Variants in TAOK2 observed in about 807,000 individuals in gnomAD.
TAOK2 encodes the protein serine/threonine-protein kinase TAO2.
Under a neutral mutation model 122.5 loss-of-function variants are expected in TAOK2, and 42 were observed. The observed-to-expected ratio is 0.34, with a 90% CI of 0.27 to 0.44. The LOEUF (loss-of-function observed/expected upper bound fraction) is 0.44, where lower values mean the gene tolerates loss of function less well. Among genes scored for constraint, TAOK2 ranks in the 20% least tolerant of loss-of-function variants. The pLI is 1.00. For synonymous variants in TAOK2, 704 were observed against 677.6 expected (o/e 1.04, Z -0.61); for missense variants, 1,264 against 1,644.9 (o/e 0.77, Z 4.01).
chr16:29,977,886 CT>C lies in TAOK2; in HGVS notation c.117del (p.Phe39LeufsTer58). The C allele has an allele frequency of 6.2e-7, 1 of 1,614,142 alleles. No individual in the cohort carries two copies. Among genetic ancestry groups the C allele is most frequent in the Non-Finnish European group, 8.5e-7 (1 of 1,180,002 alleles). On this transcript the variant is annotated frameshift_variant, in exon 2 of 16. Transcript: ENST00000308893. LOFTEE classifies it high-confidence loss of function. ...ACCTCCGGGAAATTGGCCATGGCAG[CT>C]TTGGAGCCGTATACTTTGTGAGTTG... ...SDLREIGHGS[F>X]GAVYFARDVR...
intron 8 of TAOK2, 90 bp from the exon 9 acceptor site, chr16:29,981,571 G>A: frequency 8.6e-7 from 1 of 1,157,016 alleles, no homozygotes; most frequent in Non-Finnish European, 1.3e-6. Context: ...TCAAGGAATT[G>A]GGGTTTGAAC....
downstream of TAOK2, chr16:29,989,854 A>G: frequency 6.3e-7 from 1 of 1,586,802 alleles, no homozygotes; most frequent in Non-Finnish European, 8.6e-7. Flanking sequence ...CAGGCTCTGT[A>G]CTTTGCTTTA....
Position 29,988,238 on chromosome 16 carries a change from A to C in TAOK2, c.*258A>C. 1.4e-6 allele frequency: 2 copies of C among 1,442,700 alleles called. No homozygotes were observed. Among genetic ancestry groups the C allele is most frequent in the East Asian group, 2.6e-5 (1 of 38,536 alleles). The allele number at this position is 1,442,700 out of a possible 1,614,324, so 89.4% of individuals were successfully genotyped here. The stretch of plus-strand genomic sequence containing the variant: ...GCTGTGTGTGCTCATCCTCACCCTC[A>C]TTGACTCAGGCCTGGGGCCAGGGGT... On this transcript the variant is annotated 3_prime_UTR_variant, in exon 16 of 16. Coordinates refer to ENST00000308893, the MANE Select transcript of TAOK2 (RefSeq NM_016151.4).
intron 8 of TAOK2, chr16:29,981,330 A>T (rs988318079): frequency 7.1e-6 from 4 of 564,930 alleles, no homozygotes; most frequent in Non-Finnish European, 1.3e-5. Flanking sequence ...TATCTTCCCC[A>T]TAGCAATTAT....
intron 1 of TAOK2, among the ~76,000 whole-genome samples, chr16:29,976,385 A>T: frequency 6.6e-6 from 1 of 152,196 alleles, no homozygotes; most frequent in Non-Finnish European, 1.5e-5. Context: ...CTGGAGAGTC[A>T]GGCTCCCTCC....
chr16:29,987,457 C>T lies in TAOK2; in HGVS notation c.3185C>T (p.Ala1062Val), dbSNP rs2069842445. The change falls in exon 16 of 16, where the codon GCT becomes GTT. Residue 1062 changes from alanine (A) to valine (V), a missense_variant. Around this residue, in one of 4 missense-constraint regions of TAOK2, gnomAD observed 824 missense variants for 908.7 expected, o/e 0.91. Coordinates refer to ENST00000308893, the MANE Select transcript of TAOK2 (RefSeq NM_016151.4). The stretch of plus-strand genomic sequence containing the variant: ...CCAGGCCTAGCTCTACCTCTGGTGG[C>T]TATGGCAGCGGGGGGCAGATGGGTG... ...AWPGLALPLV[A>V]MAAGGRWVRQ... The T allele has an allele frequency of 1.9e-6, 3 of 1,595,386 alleles. No homozygotes were observed. Among genetic ancestry groups the T allele is most frequent in the Admixed American group, 3.5e-5 (2 of 57,864 alleles).
intron 8 of TAOK2, chr16:29,980,485 C>G (rs1190592634): frequency 6.6e-6 from 1 of 152,300 alleles, no homozygotes; most frequent in African/African-American, 2.4e-5. Context: ...CATCCTTCCT[C>G]CCACCAACCT....
chr16:29,975,777 G>A (rs2069436479), intron 1 of TAOK2, among the ~76,000 whole-genome samples: 1 of 152,208 alleles, frequency 6.6e-6, no homozygotes, highest in Non-Finnish European at 1.5e-5. Flanking sequence ...GACCTTGGAG[G>A]CAGGGAAGGA....
rs1287001693 is a variant in TAOK2 at position 29,987,309 on chromosome 16, C to T, written c.3037C>T (p.Pro1013Ser). Residue 1013 changes from proline (P) to serine (S), a missense_variant, in exon 16 of 16, where the codon CCC (proline) becomes TCC (serine). By Grantham distance (74) the Pro-to-Ser change is moderately conservative. Transcript: ENST00000308893. ...GCTCCTTTGTACAGCCCTGCACCTG[C>T]CCTCCAGTCTTTTCCTACTCCTGGC... Reference protein sequence around the residue: ...YLLLCTALHLPSSLFLLLAQG... With the variant: ...YLLLCTALHLSSSLFLLLAQG... 2 of 1,526,034 alleles carry T rather than the reference C, an allele frequency of 1.3e-6. No homozygotes were observed. Among genetic ancestry groups the T allele is most frequent in the Non-Finnish European group, 8.8e-7 (1 of 1,139,358 alleles). The allele number at this position is 1,526,034 out of a possible 1,614,324, so 94.5% of individuals were successfully genotyped here. A position where few individuals can be genotyped will look rare whatever the true frequency, so the allele number is the denominator to read the frequency against.
Position 29,978,267 on chromosome 16 carries a change from A to G in TAOK2, c.220A>G (p.Ile74Val). The change falls in exon 4 of 16, where the codon ATC (isoleucine) becomes GTC (valine). Residue 74 changes from isoleucine (I) to valine (V), a missense_variant. Transcript: ENST00000308893. The part of the protein sequence containing the change: ...KQSNEKWQDI[I>V]KEVRFLQKLR... Reference sequence around the variant, plus strand: ...GACCCCCTAGAAATGGCAAGACATCATCAAGGAGGTGCGGTTCTTACAGAA... The same window carrying G: ...GACCCCCTAGAAATGGCAAGACATCGTCAAGGAGGTGCGGTTCTTACAGAA... 1 of 1,614,100 alleles carries G rather than the reference A, an allele frequency of 6.2e-7. No homozygotes were observed. Among genetic ancestry groups the G allele is most frequent in the Non-Finnish European group, 8.5e-7 (1 of 1,179,996 alleles).
Position 29,978,802 on chromosome 16 carries a change from G to A in TAOK2, c.310G>A (p.Val104Ile). The A allele has an allele frequency of 6.2e-7, 1 of 1,614,078 alleles. No individual in the cohort carries two copies. The highest frequency in any genetic ancestry group is 8.5e-7 in the Non-Finnish European group (1 of 1,180,004). ...CTGACCCTTGTCTCTTCCTTAGCTG[G>A]TAATGGAGTATTGCCTGGGCTCAGC... is the stretch of plus-strand genomic sequence containing the variant. ...CYLREHTAWL[V>I]MEYCLGSASD... Residue 104 changes from valine (V) to isoleucine (I), a missense_variant, in exon 5 of 16, where the codon GTA (valine) becomes ATA (isoleucine). This residue lies in a region of TAOK2 where 254 missense variants were observed against 503.8 expected (regional missense o/e 0.50). Coordinates refer to ENST00000308893, the MANE Select transcript of TAOK2 (RefSeq NM_016151.4).
At position 29,988,137 on chromosome 16, in the gene TAOK2, GCCT is replaced by G. The variant is rs1000767856; in HGVS notation, c.*162_*164del. On this transcript the variant is annotated 3_prime_UTR_variant, in exon 16 of 16. Coordinates refer to ENST00000308893, the MANE Select transcript of TAOK2 (RefSeq NM_016151.4). ...AGCCCTTCGGACCTCTAGACAGGCA[GCCT>G]CCTCAGCTGTGGAGTCCAGCAGTCA... The G allele has an allele frequency of 4.5e-5, 65 of 1,432,466 alleles. 1 individual carries two copies. Among genetic ancestry groups the G allele is most frequent in the Admixed American group, 8.7e-5 (3 of 34,646 alleles). 88.7% of individuals were successfully genotyped at this position (1,432,466 alleles called of 1,614,324 possible).
rs777189424 is a variant in TAOK2 at position 29,987,858 on chromosome 16, C to T, written c.3586C>T (p.Arg1196Trp). Residue 1196 changes from arginine to tryptophan, a missense_variant, in exon 16 of 16, where the codon CGG becomes TGG. Physicochemically the swap from Arg to Trp is moderately radical, Grantham distance 101. Coordinates refer to ENST00000308893, the MANE Select transcript of TAOK2 (RefSeq NM_016151.4). The stretch of plus-strand genomic sequence containing the variant: ...GGGTGAACGGCCCACCCGAATCCCC[C>T]GGCTACTACCACGCAGCCAGCGCCA... ...LRGERPTRIPRLLPRSQRQLG... is the reference protein window; with the variant it reads ...LRGERPTRIPWLLPRSQRQLG... 5.0e-5 allele frequency: 81 copies of T among 1,609,544 alleles called. No individual in the cohort carries two copies. In the Admixed American group the frequency reaches 7.7e-4, roughly 15 times the overall value.
chr16:29,989,712 C>A (rs143481783), downstream of TAOK2: 252 of 1,613,956 alleles, frequency 1.6e-4, no homozygotes, highest in Non-Finnish European at 2.0e-4. Context: ...ACAAGAGCCT[C>A]CTTAAGCGGC....
downstream of TAOK2, chr16:29,991,180 G>T: frequency 1.2e-6 from 2 of 1,611,284 alleles, no homozygotes; most frequent in African/African-American, 2.7e-5. This position sits in a 1 kb window ranked among gnomAD's most constrained non-coding sequence, Gnocchi z 5.6. Context: ...ATGGCTCTGG[G>T]GGGCATCCCG....
chr16:29,988,195 A>G lies in TAOK2; in HGVS notation c.*215A>G. The G allele has an allele frequency of 7.0e-7, 1 of 1,433,246 alleles. No individual in the cohort carries two copies. Among genetic ancestry groups the G allele is most frequent in the Non-Finnish European group, 9.1e-7 (1 of 1,099,320 alleles). 88.8% of individuals were successfully genotyped at this position (1,433,246 alleles called of 1,614,324 possible). On this transcript the variant is annotated 3_prime_UTR_variant, in exon 16 of 16. Coordinates refer to ENST00000308893, the MANE Select transcript of TAOK2 (RefSeq NM_016151.4). ...GTGTTCTCCTGGCGCTCCTCCCCTAAGTTATTGCTGTTCGCCCGCTGTGTG... is the reference window on the plus strand; with the variant it reads ...GTGTTCTCCTGGCGCTCCTCCCCTAGGTTATTGCTGTTCGCCCGCTGTGTG...
In TAOK2 at chr16:29,983,626, A is replaced by G; in HGVS notation, c.1384A>G (p.Asn462Asp). Residue 462 changes from asparagine to aspartate, a missense_variant, in exon 13 of 16, where the codon AAC becomes GAC. By Grantham distance (23) the Asn-to-Asp change is conservative. Around this residue, in one of 4 missense-constraint regions of TAOK2, gnomAD observed 122 missense variants for 116.7 expected, o/e 1.04. Coordinates refer to ENST00000308893, the MANE Select transcript of TAOK2 (RefSeq NM_016151.4). ...SSARRRAYCRNRDHFATIRTA... is the reference protein window; with the variant it reads ...SSARRRAYCRDRDHFATIRTA... Reference sequence around the variant, plus strand: ...CGCCCGCCGCCGGGCCTACTGCCGTAACCGAGACCACTTTGCCACCATCCG... The same window carrying G: ...CGCCCGCCGCCGGGCCTACTGCCGTGACCGAGACCACTTTGCCACCATCCG... The G allele has an allele frequency of 1.9e-6, 3 of 1,613,458 alleles. No individual in the cohort carries two copies. The highest frequency in any genetic ancestry group is 2.5e-6 in the Non-Finnish European group (3 of 1,179,988).
At chr16:29,975,392 G>A (rs773275804) in intron 1 of TAOK2, among the ~76,000 whole-genome samples, 3 of 152,170 alleles carry the variant, frequency 2.0e-5, no homozygotes, top group Non-Finnish European at 4.4e-5. Context: ...ACCAGAATTT[G>A]AACTCAAGTC....
rs775467090 is a variant in TAOK2 at position 29,986,472 on chromosome 16, G to T, written c.2200G>T (p.Ala734Ser). 2.7e-5 allele frequency: 43 copies of T among 1,603,242 alleles called. No individual in the cohort carries two copies. The highest frequency in any genetic ancestry group is 7.7e-6 in the Non-Finnish European group (9 of 1,174,830). Residue 734 changes from alanine to serine, a missense_variant, in exon 16 of 16, where the codon GCC becomes TCC. This residue lies in a region of TAOK2 where 824 missense variants were observed against 908.7 expected (regional missense o/e 0.91). Transcript: ENST00000308893. The surrounding 1 kb of genome is among the most constrained non-coding windows in gnomAD (Gnocchi z 4.2). ...GCAAGAGTTGCGGCAGAAGCATGCG[G>T]CCCAGGTTCGCCAGCAGCCCAAGAG... ...REQELRQKHA[A>S]QVRQQPKSLK...
Sources: gnomAD v4.1 joint callset for allele counts (sites outside exome capture counted in the v4.1 genomes callset) on GRCh38, gnomAD v4.1.1 for gene constraint, gnomAD v4.1.1 regional missense constraint, Gnocchi (gnomAD v3.1) non-coding constraint, MANE v1.5 for transcripts, NCBI Gene and HGNC (gene_info 2026-07-23, HGNC 2026-07-21) for gene names.